Variants in MYH10 observed in about 807,000 individuals in gnomAD.
MYH10 encodes myosin heavy chain 10, also known as myosin-10.
In MYH10, 55 loss-of-function variants were observed where a neutral mutation model predicts 257.8. The observed-to-expected ratio is 0.21, with a 90% CI of 0.17 to 0.27. MYH10 has a LOEUF of 0.27. Ranked by LOEUF, MYH10 falls within the 10% of genes least tolerant of loss-of-function variation. The pLI is 1.00. For synonymous variants in MYH10, 854 were observed against 921.7 expected, an observed-to-expected ratio of 0.93 and a Z score of 1.33; for missense variants, 1,631 against 2,500.6, an observed-to-expected ratio of 0.65 and a Z score of 7.42.
At chr17:8,592,970 T>TATATATATATATATATATATATATATATA (rs1567953268) in intron 3 of MYH10, among the ~76,000 whole-genome samples, 1 of 121,968 alleles carries the variant, frequency 8.2e-6, no homozygotes, top group African/African-American at 3.0e-5. Context: ...TATATATATA[T>TATATATATATATATATATATATATATATA]AAAAGATGAT....
At chr17:8,536,307 A>G (rs573157729) in intron 14 of MYH10, among the ~76,000 whole-genome samples, 13 of 152,316 alleles carry the variant, frequency 8.5e-5, no homozygotes, top group East Asian at 3.9e-4. Context: ...AGAAATCATT[A>G]TAACACCTCA....
At chr17:8,563,403 T>C (rs2083058978) in intron 7 of MYH10, among the ~76,000 whole-genome samples, 1 of 152,084 alleles carries the variant, frequency 6.6e-6, no homozygotes, top group South Asian at 2.1e-4. Flanking sequence ...AATAGAGCCT[T>C]AAAAAAAGAT....
intron 7 of MYH10, among the ~76,000 whole-genome samples, chr17:8,566,478 G>A (rs2083171542): frequency 6.6e-6 from 1 of 152,112 alleles, no homozygotes. Context: ...GAGCCCTATG[G>A]AGAGGCTGCC....
intron 3 of MYH10, among the ~76,000 whole-genome samples, chr17:8,593,238 T>C (rs1407220917): frequency 1.3e-5 from 2 of 151,936 alleles, no homozygotes; most frequent in East Asian, 1.9e-4. Context: ...TCCTCTTTAA[T>C]AGTGAAAAAC....
chr17:8,571,102 T>C (rs1021905588), intron 6 of MYH10, among the ~76,000 whole-genome samples: 29 of 152,126 alleles, frequency 1.9e-4, no homozygotes, highest in Non-Finnish European at 2.5e-4. Context: ...CATTAGACAG[T>C]TTCCTCCCTG....
At chr17:8,611,293 C>T (rs113987945) in intron 2 of MYH10, among the ~76,000 whole-genome samples, 5,731 of 152,252 alleles carry the variant, frequency 0.038, 365 homozygotes, top group African/African-American at 0.13. Context: ...CCTAAGCCTG[C>T]CTGCCCAAAG....
chr17:8,610,342 A>C (rs2084985693), intron 2 of MYH10, among the ~76,000 whole-genome samples: 1 of 143,806 alleles, frequency 7.0e-6, no homozygotes, highest in African/African-American at 2.6e-5. Flanking sequence ...TAACCCCAGC[A>C]CTTTGGGAAG....
intron 34 of MYH10, among the ~76,000 whole-genome samples, chr17:8,491,102 G>A (rs1915692507): frequency 6.6e-6 from 1 of 152,190 alleles, no homozygotes; most frequent in Non-Finnish European, 1.5e-5. Flanking sequence ...ACTGTGCTGA[G>A]AGCTCCACCT....
Position 8,493,842 on chromosome 17 carries a change from C to A in MYH10, c.4100G>T (p.Ser1367Ile). 6.2e-7 allele frequency: 1 copy of A among 1,613,876 alleles called. No individual in the cohort carries two copies. Among genetic ancestry groups the A allele is most frequent in the Non-Finnish European group, 8.5e-7 (1 of 1,179,886 alleles). The change falls in exon 32 of 43, where the codon AGT becomes ATT. Residue 1367 changes from serine (S) to isoleucine (I), a missense_variant. Physicochemically the swap from Ser to Ile is moderately radical, Grantham distance 142 (BLOSUM62 -2). Transcript: ENST00000360416. Reference protein sequence around the residue: ...EETRQKLNLSSRIRQLEEEKN... With the variant: ...EETRQKLNLSIRIRQLEEEKN... ...CTCCTCTTCCAGCTGCCGGATCCGACTGCTCAGGTTTAGTTTCTGGCGTGT... is the reference window on the plus strand; with the variant it reads ...CTCCTCTTCCAGCTGCCGGATCCGAATGCTCAGGTTTAGTTTCTGGCGTGT...
In MYH10 at chr17:8,492,392, C is replaced by T; in HGVS notation, c.4576G>A (p.Ala1526Thr). The T allele has an allele frequency of 6.2e-7, 1 of 1,613,754 alleles. No homozygotes were observed. Among genetic ancestry groups the T allele is most frequent in the Non-Finnish European group, 8.5e-7 (1 of 1,180,042 alleles). The change falls in exon 34 of 43, where the codon GCC (alanine) becomes ACC (threonine). Residue 1526 changes from alanine (A) to threonine (T), a missense_variant. Coordinates refer to ENST00000360416, the MANE Select transcript of MYH10 (RefSeq NM_001256012.3). ...TCAAACTCCTCCTTGGCCTCCAGGG[C>T]TTCCTCGAGGGCCCGGGCCAGTGAC... ...ALSLARALEE[A>T]LEAKEEFERQ... is the part of the protein sequence containing the mutation.
At chr17:8,492,597 G>A (rs1915946409) in intron 33 of MYH10, 88 bp from the exon 34 acceptor site, 9 of 1,365,882 alleles carry the variant, frequency 6.6e-6, no homozygotes, top group Non-Finnish European at 8.9e-6. Context: ...TATCGCTAGA[G>A]TGCTGCCACT....
intron 1 of MYH10, among the ~76,000 whole-genome samples, chr17:8,625,770 C>T (rs2085652291): frequency 1.3e-5 from 2 of 152,144 alleles, no homozygotes; most frequent in African/African-American, 2.4e-5. Flanking sequence ...CGTGAGCCAC[C>T]GCGTCCAGCC....
chr17:8,616,176 G>A (rs370261608), intron 2 of MYH10, among the ~76,000 whole-genome samples: 2 of 152,060 alleles, frequency 1.3e-5, no homozygotes, highest in Admixed American at 6.5e-5. Context: ...CCTGCTACTC[G>A]GGAGGCTGAG....
intron 19 of MYH10, among the ~76,000 whole-genome samples, chr17:8,520,410 C>G (rs554702893): frequency 6.6e-6 from 1 of 152,112 alleles, no homozygotes; most frequent in Non-Finnish European, 1.5e-5. Context: ...GCAGGAGAAT[C>G]GCTTGAACCT....
At chr17:8,542,792 A>G (rs8073113) in intron 13 of MYH10, among the ~76,000 whole-genome samples, 76,595 of 151,970 alleles carry the variant, frequency 0.5, 20,276 homozygotes, top group Middle Eastern at 0.62. Flanking sequence ...GAGGTAGGAA[A>G]AGAGTCATCT....
At chr17:8,476,181 T>G (rs1273200729) in intron 42 of MYH10, among the ~76,000 whole-genome samples, 1 of 152,226 alleles carries the variant, frequency 6.6e-6, no homozygotes, top group Non-Finnish European at 1.5e-5. Context: ...GAGGACTTGA[T>G]TCAGCCTAGG....
intron 11 of MYH10, 43 bp from the exon 12 acceptor site, chr17:8,546,705 C>T (rs2082455223): frequency 7.1e-7 from 1 of 1,403,170 alleles, no homozygotes; most frequent in Non-Finnish European, 1.0e-6. Context: ...TTTTTACTTA[C>T]AATCTACTCA....
chr17:8,614,409 T>G (rs932932141), intron 2 of MYH10, among the ~76,000 whole-genome samples: 6 of 146,992 alleles, frequency 4.1e-5, no homozygotes, highest in Non-Finnish European at 8.9e-5. Flanking sequence ...GCCTCTGCCT[T>G]CCCGGTTCAG....
chr17:8,585,926 A>G (rs1027164517), intron 4 of MYH10, among the ~76,000 whole-genome samples: 44 of 152,222 alleles, frequency 2.9e-4, no homozygotes, highest in African/African-American at 9.6e-4. Context: ...CTACAATTGA[A>G]CTTGAAATGC....
Sources: allele counts gnomAD v4.1 joint callset (sites outside exome capture counted in the v4.1 genomes callset), GRCh38; gene constraint gnomAD v4.1.1; transcripts MANE v1.5; gene names NCBI Gene and HGNC (gene_info 2026-07-23, HGNC 2026-07-21).